The following WSCD1 variants were observed in gnomAD, a reference collection of about 807,000 sequenced individuals.
The protein encoded by WSCD1 is WSC domain sialate O sulfotransferase 1.
A neutral mutation model predicts 60.4 loss-of-function variants in WSCD1; 41 were observed. The observed-to-expected ratio is 0.68, with a 90% confidence interval of 0.53 to 0.88. The LOEUF (loss-of-function observed/expected upper bound fraction) is 0.88. Among genes scored for constraint, WSCD1 ranks in the 40% least tolerant of loss-of-function variants. The pLI is 0.00. For synonymous variants in WSCD1, 361 were observed against 332.5 expected, an observed-to-expected ratio of 1.09 and a Z score of -0.93; for missense variants, 784 against 796.2, an observed-to-expected ratio of 0.98 and a Z score of 0.18.
At chr17:6,090,916 C>T (rs775806559) in intron 4 of WSCD1, among the ~76,000 whole-genome samples, 5 of 151,942 alleles carry the variant, frequency 3.3e-5, no homozygotes, top group African/African-American at 1.2e-4. Context: ...GACAGAGTCT[C>T]ACTCTGTCAC....
chr17:6,109,703 G>T lies in WSCD1; in HGVS notation c.946G>T (p.Gly316Cys). 1 of 1,614,102 alleles carries T rather than the reference G, an allele frequency of 6.2e-7. No homozygotes were observed. Among genetic ancestry groups the T allele is most frequent in the Non-Finnish European group, 8.5e-7 (1 of 1,180,000 alleles). ...LRDAMDSSVC[G>C]QDPEAQRLAE... ...GGATGCCATGGACAGCTCAGTATGTGGCCAGGACCCTGAGGCACAGAGGCT... is the reference window on the plus strand; with the variant it reads ...GGATGCCATGGACAGCTCAGTATGTTGCCAGGACCCTGAGGCACAGAGGCT... Residue 316 changes from glycine to cysteine, a missense_variant, in exon 6 of 9, where the codon GGC (glycine) becomes TGC (cysteine). Physicochemically the swap from Gly to Cys is radical, Grantham distance 159. Transcript: ENST00000317744.
chr17:6,116,616 T>C (rs964483488), intron 7 of WSCD1, among the ~76,000 whole-genome samples: 1 of 152,228 alleles, frequency 6.6e-6, no homozygotes, highest in Non-Finnish European at 1.5e-5. Context: ...TTTCATAGCA[T>C]TTTCCAGCTG....
chr17:6,097,120 C>G (rs564958107), intron 5 of WSCD1, among the ~76,000 whole-genome samples: 197 of 152,372 alleles, frequency 1.3e-3, no homozygotes, highest in African/African-American at 4.2e-3. Flanking sequence ...ACAGAGCGGC[C>G]GGCTTTGCAG....
At chr17:6,114,910 C>T (rs1911611971) in intron 7 of WSCD1, among the ~76,000 whole-genome samples, 1 of 151,314 alleles carries the variant, frequency 6.6e-6, no homozygotes, top group African/African-American at 2.4e-5. Flanking sequence ...TCTCATTGTT[C>T]ACCTCCCACT....
At position 6,109,459 on chromosome 17, in the gene WSCD1, CAGT is replaced by C. The variant is rs1490343614; in HGVS notation, c.850-147_850-145del. 4 of 1,161,642 alleles carry C rather than the reference CAGT, an allele frequency of 3.4e-6. No homozygotes were observed. The Admixed American group carries it at 8.4e-5, about 25-fold the overall frequency. 72.0% of individuals were successfully genotyped at this position (1,161,642 alleles called of 1,614,324 possible). ...CTCCCCTGGAATTGGGCACAGAGCACAGTGGTGGAAGGATGGTGGTCATCCCTG... is the reference window on the plus strand; with the variant it reads ...CTCCCCTGGAATTGGGCACAGAGCACGGTGGAAGGATGGTGGTCATCCCTG... On this transcript the variant is annotated intron_variant, in intron 5 of 8. Coordinates refer to ENST00000317744, the MANE Select transcript of WSCD1 (RefSeq NM_015253.2).
intron 5 of WSCD1, among the ~76,000 whole-genome samples, chr17:6,100,483 G>A (rs1460467577): frequency 6.6e-6 from 1 of 152,208 alleles, no homozygotes; most frequent in African/African-American, 2.4e-5. Context: ...ATCCATTCTC[G>A]CTTGTCTCGC....
At chr17:6,086,223 G>C (rs1399222647) in intron 2 of WSCD1, among the ~76,000 whole-genome samples, 2 of 130,600 alleles carry the variant, frequency 1.5e-5, no homozygotes, top group African/African-American at 6.1e-5. Flanking sequence ...TTGCACCTTG[G>C]TGCAGTCAGT....
chr17:6,096,972 C>G (rs1338192813), intron 5 of WSCD1, among the ~76,000 whole-genome samples: 1 of 152,250 alleles, frequency 6.6e-6, no homozygotes, highest in African/African-American at 2.4e-5. Flanking sequence ...CCCAGTAGCT[C>G]CCAATGGGGG....
intron 5 of WSCD1, among the ~76,000 whole-genome samples, chr17:6,104,300 T>A (rs565623453): frequency 6.6e-6 from 1 of 152,264 alleles, no homozygotes; most frequent in Admixed American, 6.5e-5. Context: ...ACCTCCAACA[T>A]TGGGGGTCAC....
At chr17:6,069,813 GGT>G (rs143740158), upstream of WSCD1, among the ~76,000 whole-genome samples, 19 of 146,650 alleles carry the variant, frequency 1.3e-4, no homozygotes, top group South Asian at 1.5e-3. Flanking sequence ...GTGCGTGTGT[GGT>G]GTGTGTGTGT....
At chr17:6,102,296 G>A (rs1405011908) in intron 5 of WSCD1, among the ~76,000 whole-genome samples, 1 of 152,198 alleles carries the variant, frequency 6.6e-6, no homozygotes, top group Non-Finnish European at 1.5e-5. Context: ...CAATAGATTC[G>A]GTCTATCCAA....
At chr17:6,113,934 G>C (rs939209232) in intron 7 of WSCD1, among the ~76,000 whole-genome samples, 4 of 151,860 alleles carry the variant, frequency 2.6e-5, no homozygotes, top group Non-Finnish European at 5.9e-5. Flanking sequence ...TAGTATGGAG[G>C]CTCCTCAAAA....
chr17:6,084,212 G>A (rs2150535211), intron 2 of WSCD1, among the ~76,000 whole-genome samples: 1 of 152,356 alleles, frequency 6.6e-6, no homozygotes, highest in African/African-American at 2.4e-5. Context: ...AGGTTGTCAA[G>A]TATTGTGAAT....
chr17:6,109,731 C>T lies in WSCD1; in HGVS notation c.974C>T (p.Ala325Val). 4.3e-6 allele frequency: 7 copies of T among 1,614,092 alleles called. No individual in the cohort carries two copies. The highest frequency in any genetic ancestry group is 5.9e-6 in the Non-Finnish European group (7 of 1,179,984). ...CGQDPEAQRL[A>V]EYCEVYQTPV... ...CAGGACCCTGAGGCACAGAGGCTGGCAGAATACTGTGAGGTCTACCAGACA... is the reference window on the plus strand; with the variant it reads ...CAGGACCCTGAGGCACAGAGGCTGGTAGAATACTGTGAGGTCTACCAGACA... The change falls in exon 6 of 9, where the codon GCA becomes GTA. Residue 325 changes from alanine to valine, a missense_variant. Ala to Val is a moderately conservative substitution (Grantham distance 64). Coordinates refer to ENST00000317744, the MANE Select transcript of WSCD1 (RefSeq NM_015253.2).
rs1018025133 is a variant in WSCD1, at chr17:6,094,085, G to A, written c.728-1017G>A. On this transcript the variant is annotated intron_variant, in intron 4 of 8. Transcript: ENST00000317744. ...GAGATACTGAGCCCTGGGAGACCCC[G>A]TGTAGAGAAGAGCATGGGGTAATAA... 4.6e-5 allele frequency among the ~76,000 whole-genome samples: 7 copies of A among 152,330 alleles called. No homozygotes were observed. The East Asian group carries it at 7.7e-4, about 17-fold the overall frequency.
Position 6,116,787 on chromosome 17 carries a change from C to G in WSCD1, c.1175-1201C>G, listed in dbSNP as rs528057222. 2.0e-5 allele frequency among the ~76,000 whole-genome samples: 3 copies of G among 152,342 alleles called. No individual in the cohort carries two copies. The South Asian group carries it at 6.2e-4, about 32-fold the overall frequency. Reference sequence around the variant, plus strand: ...CGTCCCTCAGTGCTCACTGCAGATACAAATGCTTTCCAGCAATTCCTGCAG... The same window carrying G: ...CGTCCCTCAGTGCTCACTGCAGATAGAAATGCTTTCCAGCAATTCCTGCAG... On this transcript the variant is annotated intron_variant, in intron 7 of 8. Coordinates refer to ENST00000317744, the MANE Select transcript of WSCD1 (RefSeq NM_015253.2).
intron 5 of WSCD1, among the ~76,000 whole-genome samples, chr17:6,104,940 C>G (rs1567558567): frequency 6.6e-6 from 1 of 152,172 alleles, no homozygotes; most frequent in Non-Finnish European, 1.5e-5. Flanking sequence ...CTCTGTCATT[C>G]TGTGTAACCC....
In WSCD1 at chr17:6,120,830, T is replaced by C. The variant is rs1365109944; in HGVS notation, c.*169T>C. ...GAGACCTGGACACAACAGACACACA[T>C]CACAAGGCGAACACAAATGGACACA... On this transcript the variant is annotated 3_prime_UTR_variant, in exon 9 of 9. Coordinates refer to ENST00000317744, the MANE Select transcript of WSCD1 (RefSeq NM_015253.2). The C allele has an allele frequency of 4.4e-6, 3 of 687,110 alleles. No homozygotes were observed. Among genetic ancestry groups the C allele is most frequent in the Non-Finnish European group, 7.2e-6 (3 of 418,002 alleles). 42.6% of individuals were successfully genotyped at this position (687,110 alleles called of 1,614,324 possible).
At position 6,080,569 on chromosome 17, in the gene WSCD1, G is replaced by A; in HGVS notation, c.-90G>A. ...CAGGTGCCAGGAGCCAGGATGCAAG[G>A]ATGACGCCTCCGGAGGCCCTGGCCT... On this transcript the variant is annotated 5_prime_UTR_variant, in exon 2 of 9. Coordinates refer to ENST00000317744, the MANE Select transcript of WSCD1 (RefSeq NM_015253.2). The surrounding 1 kb of genome is among the most constrained non-coding windows in gnomAD (Gnocchi z 6.6). 1 of 1,413,144 alleles carries A rather than the reference G, an allele frequency of 7.1e-7. No individual in the cohort carries two copies. 87.5% of individuals were successfully genotyped at this position (1,413,144 alleles called of 1,614,324 possible).
Sources: allele counts gnomAD v4.1 joint callset (sites outside exome capture counted in the v4.1 genomes callset), GRCh38; gene constraint gnomAD v4.1.1; non-coding constraint Gnocchi (gnomAD v3.1); transcripts MANE v1.5; gene names NCBI Gene and HGNC (gene_info 2026-07-23, HGNC 2026-07-21).